Variants in WRN observed in about 807,000 individuals in gnomAD.
The protein encoded by WRN is bifunctional 3'-5' exonuclease/ATP-dependent helicase WRN.
A neutral mutation model predicts 180.7 loss-of-function variants in WRN; 149 were observed. The ratio of observed to expected loss-of-function variants is 0.82; its 90% CI spans 0.72 to 0.94. The LOEUF (loss-of-function observed/expected upper bound fraction) is 0.94, where lower values mean the gene tolerates loss of function less well. Ranked by LOEUF, WRN falls within the 40% of genes least tolerant of loss-of-function variation. The probability of loss-of-function intolerance (pLI) is 0.00; values close to 1 mark genes in which losing one functional copy is unlikely to be tolerated. For missense variants in WRN, 1,661 were observed against 1,700.1 expected, an observed-to-expected ratio of 0.98 and a Z score of 0.40; for synonymous variants, 548 against 568.9, an observed-to-expected ratio of 0.96 and a Z score of 0.52.
intron 18 of WRN, among the ~76,000 whole-genome samples, 162 bp downstream of exon 18, chr8:31,101,117 C>G (rs1267338503): frequency 6.6e-6 from 1 of 152,144 alleles, no homozygotes; most frequent in Non-Finnish European, 1.5e-5. Flanking sequence ...GGTATATAAT[C>G]TATTGAGGAA....
rs775359090 is a variant in WRN, at chr8:31,111,599, G to GT, written c.2089-12dup. 1.2e-6 allele frequency: 2 copies of GT among 1,613,704 alleles called. No homozygotes were observed. Among genetic ancestry groups the GT allele is most frequent in the South Asian group, 2.2e-5 (2 of 91,054 alleles). On this transcript the variant is annotated splice_polypyrimidine_tract_variant and intron_variant, in intron 18 of 34. Coordinates refer to ENST00000298139, the MANE Select transcript of WRN (RefSeq NM_000553.6). ...GAGCTCTTTCCTTTTTAAAATATCAGTTTTACATCATTCAGGTTCCAATCG... is the reference window on the plus strand; with the variant it reads ...GAGCTCTTTCCTTTTTAAAATATCAGTTTTTACATCATTCAGGTTCCAATCG...
intron 23 of WRN, among the ~76,000 whole-genome samples, chr8:31,128,202 T>G (rs1483629807): frequency 6.6e-6 from 1 of 152,156 alleles, no homozygotes; most frequent in Non-Finnish European, 1.5e-5. Flanking sequence ...TTTTAAGTTA[T>G]TGGTAGGGTA....
chr8:31,156,764 A>G (rs1004999586), intron 32 of WRN, among the ~76,000 whole-genome samples: 4 of 152,258 alleles, frequency 2.6e-5, no homozygotes, highest in Admixed American at 1.3e-4. Flanking sequence ...AAAGAACTGT[A>G]TAAATATGTA....
chr8:31,067,040 G>A lies in WRN; in HGVS notation c.512G>A (p.Cys171Tyr). Residue 171 changes from cysteine (C) to tyrosine (Y), a missense_variant, in exon 6 of 35, where the codon TGC becomes TAC. Transcript: ENST00000298139. ...LTDVANKKLK[C>Y]TETWSLNSLV... ...CTTTTTCATCATTTCTAGCTGAAAT[G>A]CACAGAGACCTGGAGCCTTAACAGT... 6.2e-7 allele frequency: 1 copy of A among 1,613,694 alleles called. No homozygotes were observed. Among genetic ancestry groups the A allele is most frequent in the Non-Finnish European group, 8.5e-7 (1 of 1,179,886 alleles).
In WRN at chr8:31,111,680, A is replaced by G. The variant is rs1801322869; in HGVS notation, c.2154A>G (p.Leu718=). Residue 718 remains leucine, a synonymous_variant, in exon 19 of 35, where the codon TTA becomes TTG. Transcript: ENST00000298139. ...SSIREDIVRC[L]NLRNPQITCT... is the part of the protein sequence containing the mutation. ...TCCGGGAAGACATTGTACGTTGCTT[A>G]AATCTGAGAAATCCTCAGATCACCT... The G allele has an allele frequency of 6.2e-7, 1 of 1,614,008 alleles. No homozygotes were observed. The highest frequency in any genetic ancestry group is 1.3e-5 in the African/African-American group (1 of 74,928).
intron 16 of WRN, among the ~76,000 whole-genome samples, chr8:31,094,144 A>G (rs73581727): frequency 0.018 from 2,802 of 152,296 alleles, 69 homozygotes; most frequent in African/African-American, 0.064. Flanking sequence ...TGTGATGCAT[A>G]TATGTTTAAC....
intron 1 of WRN, among the ~76,000 whole-genome samples, chr8:31,051,273 T>C (rs1414880677): frequency 6.6e-6 from 1 of 152,098 alleles, no homozygotes; most frequent in African/African-American, 2.4e-5. Flanking sequence ...TTGAGACTGG[T>C]GTTAAATTTG....
chr8:31,037,628 C>T lies in WRN; in HGVS notation c.-77+3655C>T, dbSNP rs1384837447. On this transcript the variant is annotated intron_variant, in intron 1 of 34. Transcript: ENST00000298139. ...ATATGGTTATCAGTTTTCCCAACAC[C>T]GTTTATTGAAGAGCCTGACCTTTCC... is the stretch of plus-strand genomic sequence containing the variant. Among the ~76,000 whole-genome samples the T allele has an allele frequency of 5.3e-5, 8 of 152,146 alleles. No homozygotes were observed. In the South Asian group the frequency reaches 6.2e-4, roughly 12 times the overall value.
chr8:31,116,274 A>G (rs1464529337), intron 19 of WRN, 80 bp from the exon 20 acceptor site: 4 of 1,430,816 alleles, frequency 2.8e-6, no homozygotes, highest in Non-Finnish European at 3.8e-6. Context: ...GAAAGGAAGA[A>G]TTAAATAAGA....
chr8:31,132,756 T>G (rs898708605), intron 24 of WRN, among the ~76,000 whole-genome samples: 15 of 152,238 alleles, frequency 9.9e-5, no homozygotes, highest in African/African-American at 3.6e-4. Context: ...AAGCATTGTG[T>G]TAATTTATCA....
At chr8:31,052,324 A>G (rs945264034) in intron 1 of WRN, among the ~76,000 whole-genome samples, 4 of 152,200 alleles carry the variant, frequency 2.6e-5, no homozygotes, top group African/African-American at 9.6e-5. Context: ...ATAACCACTA[A>G]TGTTTTGGTA....
intron 3 of WRN, among the ~76,000 whole-genome samples, chr8:31,063,457 G>C (rs1193049535): frequency 6.6e-6 from 1 of 152,118 alleles, no homozygotes; most frequent in Non-Finnish European, 1.5e-5. Context: ...ACATCTGAGG[G>C]TTTCATTTAT....
chr8:31,125,852 C>T (rs1015859572), intron 23 of WRN, among the ~76,000 whole-genome samples: 9 of 151,034 alleles, frequency 6.0e-5, no homozygotes, highest in Non-Finnish European at 1.2e-4. Context: ...ATGTTAATCA[C>T]GTCTACAAAA....
rs2130179028 is a variant in WRN at position 31,091,896 on chromosome 8, A to G, written c.1896A>G (p.Lys632=). The G allele has an allele frequency of 6.2e-7, 1 of 1,612,838 alleles. No individual in the cohort carries two copies. The highest frequency in any genetic ancestry group is 8.5e-7 in the Non-Finnish European group (1 of 1,179,154). ...AQSENVLTDI[K]LGKYRIVYVT... ...CAGAAAATGTTCTAACAGATATTAA[A>G]TTGTGAGTAATTTTTTTCCCTCAAC... Residue 632 remains lysine, a splice_region_variant and synonymous_variant, in exon 16 of 35, where the codon AAA becomes AAG. Coordinates refer to ENST00000298139, the MANE Select transcript of WRN (RefSeq NM_000553.6).
chr8:31,089,605 C>T (rs1813662728), intron 13 of WRN, among the ~76,000 whole-genome samples: 1 of 151,936 alleles, frequency 6.6e-6, no homozygotes, highest in Admixed American at 6.6e-5. Context: ...CAGAAAAGTG[C>T]ACATGTTGTA....
chr8:31,065,033 T>C lies in WRN; in HGVS notation c.474T>C (p.Phe158=). 6.2e-7 allele frequency: 1 copy of C among 1,613,614 alleles called. No homozygotes were observed. Among genetic ancestry groups the C allele is most frequent in the Non-Finnish European group, 8.5e-7 (1 of 1,179,732 alleles). Residue 158 remains phenylalanine, a synonymous_variant, in exon 5 of 35, where the codon TTT becomes TTC. Coordinates refer to ENST00000298139, the MANE Select transcript of WRN (RefSeq NM_000553.6). ...LRDFDIKLKN[F]VELTDVANKK... is the part of the protein sequence containing the mutation. ...ACTTTGATATCAAATTGAAGAATTT[T>C]GTGGAGTTGACAGATGTTGCCAATA...
intron 23 of WRN, among the ~76,000 whole-genome samples, chr8:31,130,496 C>T (rs1802115794): frequency 6.6e-6 from 1 of 151,800 alleles, no homozygotes; most frequent in Admixed American, 6.6e-5. Flanking sequence ...ATGATAGTTT[C>T]AGATCTACCC....
intron 17 of WRN, among the ~76,000 whole-genome samples, chr8:31,098,882 A>T (rs552311829): frequency 1.4e-4 from 21 of 152,334 alleles, no homozygotes; most frequent in African/African-American, 1.9e-4. Flanking sequence ...AAAGCTTTTT[A>T]AAAAATGAAA....
At chr8:31,082,295 T>G (rs1319123109) in intron 9 of WRN, among the ~76,000 whole-genome samples, 1 of 152,232 alleles carries the variant, frequency 6.6e-6, no homozygotes, top group African/African-American at 2.4e-5. Context: ...AAATTAGATT[T>G]GACCATTTAA....
Sources: gnomAD v4.1 joint callset for allele counts (sites outside exome capture counted in the v4.1 genomes callset) on GRCh38, gnomAD v4.1.1 for gene constraint, MANE v1.5 for transcripts, NCBI Gene and HGNC (gene_info 2026-07-23, HGNC 2026-07-21) for gene names.